C4orf36: variants seen among roughly 807,000 people sequenced by gnomAD.
C4orf36 encodes uncharacterized protein C4orf36.
In C4orf36, 11 loss-of-function variants were observed where a neutral mutation model predicts 12.2. The observed-to-expected ratio is 0.90, with a 90% CI of 0.57 to 1.49. The LOEUF is 1.49. Ranked by LOEUF, C4orf36 falls within the 40% of genes most tolerant of loss-of-function variation. The pLI is 0.00. For missense variants in C4orf36, 137 were observed against 133.9 expected (o/e 1.02, Z -0.11); for synonymous variants, 54 against 51.3 (o/e 1.05, Z -0.22).
At chr4:86,930,046 G>A in the C4orf36 span, among the ~76,000 whole-genome samples, 1 of 152,260 alleles carries the variant, frequency 6.6e-6, no homozygotes, top group African/African-American at 2.4e-5. Context: ...ATGAAACAAA[G>A]TATTGAGTGC....
chr4:86,900,293 A>T, the C4orf36 span, among the ~76,000 whole-genome samples: 3 of 152,124 alleles, frequency 2.0e-5, no homozygotes, highest in Non-Finnish European at 4.4e-5. Context: ...TCAGCCTCCC[A>T]AATTGCTGGG....
At chr4:86,910,165 G>GGT in the C4orf36 span, among the ~76,000 whole-genome samples, 1 of 152,086 alleles carries the variant, frequency 6.6e-6, no homozygotes, top group African/African-American at 2.4e-5. Context: ...GATGAAGCTG[G>GGT]GTGTGGTTCC....
intron 4 of C4orf36, 42 bp downstream of exon 4, chr4:86,887,716 T>C (rs183111658): frequency 5.0e-6 from 8 of 1,612,272 alleles, no homozygotes; most frequent in Non-Finnish European, 6.8e-6. Flanking sequence ...TTCATGCCCT[T>C]TGGATGCAAG....
chr4:86,894,055 C>A (rs900594085), upstream of C4orf36, among the ~76,000 whole-genome samples: 23 of 152,072 alleles, frequency 1.5e-4, no homozygotes, highest in African/African-American at 5.3e-4. Flanking sequence ...CGCCACCACG[C>A]CCAGCTGATT....
chr4:86,907,244 G>A, the C4orf36 span, among the ~76,000 whole-genome samples: 23 of 152,092 alleles, frequency 1.5e-4, no homozygotes, highest in African/African-American at 4.3e-4. Context: ...GGAAAAGGGC[G>A]ATAGGGAGTG....
At chr4:86,913,972 T>C in the C4orf36 span, 1 of 1,558,116 alleles carries the variant, frequency 6.4e-7, no homozygotes, top group Non-Finnish European at 8.8e-7. Flanking sequence ...TCCACTTCTT[T>C]AATGTAGGCA....
At position 86,891,309 on chromosome 4, in the gene C4orf36, A is replaced by AT. The variant is rs1382911511; in HGVS notation, c.65+146_65+147insA. ...AGCAGTTGCCAAAAAAAAAAAAAAA[A>AT]AAAATCAGATCCCAGACACCTCAAA... On this transcript the variant is annotated intron_variant, in intron 2 of 4. Transcript: ENST00000295898. The AT allele has an allele frequency of 1.6e-4, 103 of 656,098 alleles. No homozygotes were observed. In the African/African-American group the frequency reaches 1.8e-3, roughly 11 times the overall value. 40.6% of individuals were successfully genotyped at this position (656,098 alleles called of 1,614,324 possible).
At chr4:86,888,048 T>C (rs1023463070) in intron 3 of C4orf36, 73 bp downstream of exon 3, 2 of 1,567,852 alleles carry the variant, frequency 1.3e-6, no homozygotes, top group Non-Finnish European at 1.7e-6. Context: ...AATACACAGA[T>C]TTAAACATTT....
the C4orf36 span, among the ~76,000 whole-genome samples, chr4:86,931,470 C>T: frequency 6.6e-6 from 1 of 152,040 alleles, no homozygotes; most frequent in Admixed American, 6.6e-5. Context: ...ATGATCATAC[C>T]TCAACGCATC....
chr4:86,878,037 C>T (rs1746967758), intron 4 of C4orf36, among the ~76,000 whole-genome samples: 1 of 151,582 alleles, frequency 6.6e-6, no homozygotes, highest in African/African-American at 2.4e-5. Context: ...CTTATTCTTA[C>T]TACTCTTGCA....
At chr4:86,925,630 T>C in the C4orf36 span, 2 of 152,178 alleles carry the variant, frequency 1.3e-5, no homozygotes, top group Non-Finnish European at 2.9e-5. Flanking sequence ...TTGCAGCACA[T>C]GTGCTGTTGA....
intron 4 of C4orf36, among the ~76,000 whole-genome samples, chr4:86,881,273 A>G (rs1344854702): frequency 6.6e-6 from 1 of 152,156 alleles, no homozygotes; most frequent in African/African-American, 2.4e-5. Context: ...ATGCCACTGA[A>G]GTTGAATTGT....
At chr4:86,894,047 C>G (rs1212364908), upstream of C4orf36, among the ~76,000 whole-genome samples, 2 of 151,966 alleles carry the variant, frequency 1.3e-5, no homozygotes, top group Non-Finnish European at 2.9e-5. Context: ...CAGGCGCCCG[C>G]CACCACGCCC....
chr4:86,913,698 C>T, the C4orf36 span: 11 of 1,603,744 alleles, frequency 6.9e-6, no homozygotes, highest in East Asian at 2.2e-5. Flanking sequence ...CCAGGCCAGG[C>T]GGCTCCCACT....
the C4orf36 span, chr4:86,914,183 C>T: frequency 6.3e-7 from 1 of 1,592,568 alleles, no homozygotes; most frequent in Non-Finnish European, 8.6e-7. Flanking sequence ...GTGGGGACTA[C>T]TTCACAAAAG....
At chr4:86,915,262 G>A in the C4orf36 span, among the ~76,000 whole-genome samples, 7 of 152,174 alleles carry the variant, frequency 4.6e-5, no homozygotes, top group African/African-American at 1.7e-4. Context: ...TCCCATGTAT[G>A]GATGACTTCC....
chr4:86,936,065 T>C, the C4orf36 span: 3 of 152,142 alleles, frequency 2.0e-5, no homozygotes, highest in Non-Finnish European at 4.4e-5. Context: ...TAGTTTTCTC[T>C]TCCCGGAGCT....
At chr4:86,908,745 C>T in the C4orf36 span, among the ~76,000 whole-genome samples, 1 of 151,664 alleles carries the variant, frequency 6.6e-6, no homozygotes, top group African/African-American at 2.4e-5. Flanking sequence ...TCTGGGATAG[C>T]AAACAAGACA....
At chr4:86,887,650 C>T in intron 4 of C4orf36, 108 bp downstream of exon 4, 1 of 1,298,000 alleles carries the variant, frequency 7.7e-7, no homozygotes, top group Non-Finnish European at 1.1e-6. Context: ...GGCCCATCCA[C>T]CAGTGGGCAT....
Sources: gnomAD v4.1 joint callset for allele counts (sites outside exome capture counted in the v4.1 genomes callset) on GRCh38, gnomAD v4.1.1 for gene constraint, MANE v1.5 for transcripts, NCBI Gene and HGNC (gene_info 2026-07-23, HGNC 2026-07-21) for gene names.